The following CRACDL variants were observed in gnomAD, a reference collection of about 807,000 sequenced individuals.
CRACDL encodes the protein CRACD-like protein.
In CRACDL, 26 loss-of-function variants were observed where a neutral mutation model predicts 70.6. The observed-to-expected ratio is 0.37, with a 90% confidence interval of 0.27 to 0.51. The LOEUF is 0.51. CRACDL is among the 20% of genes least tolerant of loss of function. The pLI, the probability that CRACDL is intolerant of heterozygous loss-of-function variation, is 0.94. For missense variants in CRACDL, 1,283 were observed against 1,376.9 expected (o/e 0.93, Z 1.08); for synonymous variants, 618 against 615.2 (o/e 1.00, Z -0.07).
chr2:98,889,084 T>C (rs1298386601), intron 1 of CRACDL, among the ~76,000 whole-genome samples: 2 of 140,790 alleles, frequency 1.4e-5, no homozygotes, highest in South Asian at 2.2e-4. Context: ...GCCGAGATCA[T>C]GCCACTGCAC....
At chr2:98,874,242 C>T (rs1358788831) in intron 1 of CRACDL, among the ~76,000 whole-genome samples, 2 of 152,218 alleles carry the variant, frequency 1.3e-5, no homozygotes, top group African/African-American at 2.4e-5. Flanking sequence ...GTTCTTTTCT[C>T]GCTTAATACC....
intron 1 of CRACDL, among the ~76,000 whole-genome samples, chr2:98,912,331 G>T (rs1708563939): frequency 6.6e-6 from 1 of 152,244 alleles, no homozygotes; most frequent in Non-Finnish European, 1.5e-5. Flanking sequence ...TGTGCTGGGG[G>T]TAGGTGAAGG....
At chr2:98,897,288 G>GTTCCT in intron 1 of CRACDL, 1 of 812,926 alleles carries the variant, frequency 1.2e-6, no homozygotes, top group East Asian at 6.4e-5. Context: ...TGTACCGGTG[G>GTTCCT]TTTGTTCCTT....
At chr2:98,865,680 ATAT>A (rs1707105392) in intron 1 of CRACDL, among the ~76,000 whole-genome samples, 1 of 151,910 alleles carries the variant, frequency 6.6e-6, no homozygotes, top group African/African-American at 2.4e-5. Context: ...CTGCTTAATG[ATAT>A]TATTATCCTC....
chr2:98,899,884 G>A (rs1708222564), intron 1 of CRACDL, among the ~76,000 whole-genome samples: 1 of 140,480 alleles, frequency 7.1e-6, no homozygotes, highest in Non-Finnish European at 1.5e-5. Flanking sequence ...TGGGAGGGGA[G>A]GCAGATGGAC....
At chr2:98,878,122 T>A (rs1049025315) in intron 1 of CRACDL, among the ~76,000 whole-genome samples, 6 of 152,054 alleles carry the variant, frequency 3.9e-5, no homozygotes, top group African/African-American at 7.3e-5. Context: ...AATATTTGTA[T>A]TTTTAGTAGA....
chr2:98,795,059 A>C (rs1451451975), intron 9 of CRACDL, among the ~76,000 whole-genome samples: 1 of 40,780 alleles, frequency 2.5e-5, no homozygotes, highest in Non-Finnish European at 5.1e-5. Flanking sequence ...ATATATATAT[A>C]TATATATATA....
At chr2:98,824,070 C>G (rs1705208869) in intron 6 of CRACDL, among the ~76,000 whole-genome samples, 1 of 152,206 alleles carries the variant, frequency 6.6e-6, no homozygotes, top group African/African-American at 2.4e-5. Flanking sequence ...AATGTACCCT[C>G]ATAGTAAAGC....
intron 7 of CRACDL, among the ~76,000 whole-genome samples, chr2:98,805,619 G>C (rs1575325327): frequency 6.6e-6 from 1 of 152,042 alleles, no homozygotes; most frequent in African/African-American, 2.4e-5. Context: ...AAGTGGAATT[G>C]CACAACTCAG....
chr2:98,934,992 T>A (rs554023137), intron 1 of CRACDL, among the ~76,000 whole-genome samples: 1 of 152,210 alleles, frequency 6.6e-6, no homozygotes, highest in Non-Finnish European at 1.5e-5. Context: ...CACAATTTTA[T>A]AACCTCAATA....
rs1000391837 is a variant in CRACDL at position 98,897,293 on chromosome 2, T to C, written c.-11+38645A>G. On this transcript the variant is annotated intron_variant, in intron 1 of 9. Transcript: ENST00000397899. ...AGCTGTTGCATGTACCGGTGGTTTG[T>C]TCCTTTTACCCTTCTGGTATTAAAC... 6.6e-6 allele frequency: 6 copies of C among 912,412 alleles called. No individual in the cohort carries two copies. In the Admixed American group the frequency reaches 1.6e-4, roughly 24 times the overall value. 56.5% of individuals were successfully genotyped at this position (912,412 alleles called of 1,614,324 possible). A position where few individuals can be genotyped will look rare whatever the true frequency, so the allele number is the denominator to read the frequency against.
At chr2:98,917,036 A>C (rs1421447242) in intron 1 of CRACDL, among the ~76,000 whole-genome samples, 4 of 152,150 alleles carry the variant, frequency 2.6e-5, no homozygotes, top group Non-Finnish European at 5.9e-5. Flanking sequence ...TCTGTCTCCT[A>C]TCTTGGCACT....
chr2:98,843,089 T>C (rs1706104458), intron 2 of CRACDL, among the ~76,000 whole-genome samples: 2 of 152,158 alleles, frequency 1.3e-5, no homozygotes, highest in African/African-American at 4.8e-5. Context: ...TCTCCAGACG[T>C]TTAATACGTG....
At chr2:98,873,586 C>A (rs1035990789) in intron 1 of CRACDL, among the ~76,000 whole-genome samples, 4 of 152,234 alleles carry the variant, frequency 2.6e-5, no homozygotes, top group Admixed American at 2.6e-4. Context: ...CGAGAGGATC[C>A]CCCACATGAT....
At chr2:98,894,137 G>A (rs570020032) in intron 1 of CRACDL, among the ~76,000 whole-genome samples, 2 of 152,318 alleles carry the variant, frequency 1.3e-5, no homozygotes, top group South Asian at 4.1e-4. Flanking sequence ...TATATAGTTC[G>A]AATCAGCAAT....
chr2:98,822,220 T>G lies in CRACDL; in HGVS notation c.2053A>C (p.Lys685Gln). The change falls in exon 7 of 10, where the codon AAG becomes CAG. Residue 685 changes from lysine (K) to glutamine (Q), a missense_variant. Coordinates refer to ENST00000397899, the MANE Select transcript of CRACDL (RefSeq NM_207362.3). The surrounding 1 kb of genome is among the most constrained non-coding windows in gnomAD (Gnocchi z 4.9). ...PSEDRNPFPV[K>Q]LRSTSLSLKY... ...AGCGAGAGGGAGGTGGACCGGAGCT[T>G]GACGGGGAAGGGGTTTCTGTCCTCA... 6.2e-7 allele frequency: 1 copy of G among 1,607,718 alleles called. No individual in the cohort carries two copies. The highest frequency in any genetic ancestry group is 8.5e-7 in the Non-Finnish European group (1 of 1,179,140).
intron 1 of CRACDL, among the ~76,000 whole-genome samples, chr2:98,855,517 A>T (rs181151913): frequency 5.9e-5 from 9 of 152,304 alleles, no homozygotes; most frequent in Non-Finnish European, 1.2e-4. Flanking sequence ...TATTATATCA[A>T]ATAAAAAGTT....
intron 1 of CRACDL, among the ~76,000 whole-genome samples, chr2:98,917,904 A>AC (rs1273227167): frequency 1.3e-4 from 20 of 152,226 alleles, no homozygotes; most frequent in Non-Finnish European, 1.5e-5. Context: ...TATTTCACTT[A>AC]AGATAATGGC....
chr2:98,932,202 G>A (rs1026211888), intron 1 of CRACDL, among the ~76,000 whole-genome samples: 31 of 152,142 alleles, frequency 2.0e-4, no homozygotes, highest in African/African-American at 7.0e-4. Context: ...AGAGATCGGC[G>A]GGACACCAGC....
Sources: allele counts gnomAD v4.1 joint callset (sites outside exome capture counted in the v4.1 genomes callset), GRCh38; gene constraint gnomAD v4.1.1; non-coding constraint Gnocchi (gnomAD v3.1); transcripts MANE v1.5; gene names NCBI Gene and HGNC (gene_info 2026-07-23, HGNC 2026-07-21).